Variants in FRMPD4 observed in about 807,000 individuals in gnomAD.
FRMPD4 encodes FERM and PDZ domain containing 4, also known as FERM and PDZ domain-containing protein 4.
In FRMPD4, 22 loss-of-function variants were observed where a neutral mutation model predicts 94.1. That is an observed-to-expected ratio of 0.23 (90% CI 0.17 to 0.33). The LOEUF (loss-of-function observed/expected upper bound fraction) is 0.33. Ranked by LOEUF, FRMPD4 falls within the 10% of genes least tolerant of loss-of-function variation. The pLI is 1.00. For synonymous variants in FRMPD4, 631 were observed against 548.6 expected (o/e 1.15, Z -2.10); for missense variants, 1,111 against 1,339.9 (o/e 0.83, Z 2.67).
At chrX:12,053,397 AGAAAGAAAGAAAG>A (rs1288635541) in intron 3 of FRMPD4, among the ~76,000 whole-genome samples, 10 of 102,202 alleles carry the variant, frequency 9.8e-5, no homozygotes, top group African/African-American at 3.5e-4. Context: ...AAAGAAAGAA[AGAAAGAAAGAAAG>A]AAAGAAAGAA....
chrX:12,380,445 G>C (rs2056303139), intron 1 of FRMPD4, among the ~76,000 whole-genome samples: 1 of 112,161 alleles, frequency 8.9e-6, no homozygotes, highest in African/African-American at 3.2e-5. Context: ...CCTTTAATTA[G>C]AGTATGTACA....
At chrX:12,472,434 T>C (rs977202948) in intron 1 of FRMPD4, among the ~76,000 whole-genome samples, 2 of 112,327 alleles carry the variant, frequency 1.8e-5, no homozygotes, top group Non-Finnish European at 3.8e-5. Context: ...AAATATCTTG[T>C]TGTGGGGTCA....
chrX:12,606,098 A>G (rs974521802), intron 2 of FRMPD4, among the ~76,000 whole-genome samples: 2 of 112,406 alleles, frequency 1.8e-5, no homozygotes, highest in East Asian at 5.6e-4. Flanking sequence ...AATGCTTAGC[A>G]TGAAATTAAT....
chrX:12,567,272 CA>C (rs1429950444), intron 2 of FRMPD4, among the ~76,000 whole-genome samples: 1 of 111,708 alleles, frequency 9.0e-6, no homozygotes, highest in Non-Finnish European at 1.9e-5. Context: ...AGAACCCCTC[CA>C]ATGCTGGTTG....
intron 2 of FRMPD4, among the ~76,000 whole-genome samples, chrX:12,503,257 G>A (rs1190733870): frequency 9.0e-6 from 1 of 111,714 alleles, no homozygotes; most frequent in African/African-American, 3.3e-5. Flanking sequence ...CACATGGCCT[G>A]ATTTTTCAAG....
chrX:12,063,257 T>C (rs1487893848), intron 3 of FRMPD4, among the ~76,000 whole-genome samples: 1 of 111,199 alleles, frequency 9.0e-6, no homozygotes, highest in Non-Finnish European at 1.9e-5. Flanking sequence ...TGGTCCCAGC[T>C]ACTTGGAAGG....
chrX:12,525,035 C>T (rs1342350340), intron 2 of FRMPD4, among the ~76,000 whole-genome samples: 1 of 111,437 alleles, frequency 9.0e-6, no homozygotes, highest in Non-Finnish European at 1.9e-5. Flanking sequence ...AATTCTTCTT[C>T]TTCCAATGTG....
At chrX:12,526,505 C>T (rs1353488825) in intron 2 of FRMPD4, among the ~76,000 whole-genome samples, 4 of 112,434 alleles carry the variant, frequency 3.6e-5, no homozygotes, top group Admixed American at 9.4e-5. Context: ...CTGCTGACTC[C>T]AGAGATTTCC....
At chrX:12,053,412 A>AAGAAAGAAAGAAAGAAAG (rs1177089156) in intron 3 of FRMPD4, among the ~76,000 whole-genome samples, 1 of 101,015 alleles carries the variant, frequency 9.9e-6, no homozygotes, top group African/African-American at 3.6e-5. Flanking sequence ...GAAAGAAAGA[A>AAGAAAGAAAGAAAGAAAG]AGAAAGAAAG....
At chrX:12,071,422 C>A (rs765465135) in intron 3 of FRMPD4, among the ~76,000 whole-genome samples, 2 of 111,895 alleles carry the variant, frequency 1.8e-5, no homozygotes, top group East Asian at 5.6e-4. Flanking sequence ...CTTTGCAGAA[C>A]TTAACTCTTT....
In FRMPD4 at chrX:12,309,028, G is replaced by C. The variant is rs191951026; in HGVS notation, c.41+170016G>C. Among the ~76,000 whole-genome samples, 261 of 112,452 alleles carry C rather than the reference G, an allele frequency of 2.3e-3. 2 individuals carry two copies. Among genetic ancestry groups the C allele is most frequent in the African/African-American group, 8.0e-3 (248 of 30,993 alleles). On this transcript the variant is annotated intron_variant, in intron 1 of 16. Transcript: ENST00000675598. ...TTCTAGAGTAAACTTTTTCTGGAAA[G>C]GACTACGGAGTAAATATGTCAAGCT... is the stretch of plus-strand genomic sequence containing the variant.
rs757788531 is a variant in FRMPD4 at position 11,871,211 on chromosome X, C to T, written c.-30+5995C>T. 1.1e-4 allele frequency among the ~76,000 whole-genome samples: 12 copies of T among 112,665 alleles called. No homozygotes were observed. In the South Asian group the frequency reaches 1.5e-3, roughly 14 times the overall value. On this transcript the variant is annotated intron_variant, in intron 2 of 18. Transcript: ENST00000640291. ...CATCTCTGAAGTTTGTTCTTACCTA[C>T]AGCAGTAACTTGTTGGTTAATGCAC...
At chrX:12,604,532 T>G (rs1383905956) in intron 2 of FRMPD4, among the ~76,000 whole-genome samples, 2 of 112,060 alleles carry the variant, frequency 1.8e-5, no homozygotes, top group Non-Finnish European at 3.8e-5. Context: ...ACTAAGAAAG[T>G]TGGGCTGCAA....
At chrX:12,041,061 A>G (rs2054751979) in intron 3 of FRMPD4, among the ~76,000 whole-genome samples, 1 of 111,772 alleles carries the variant, frequency 8.9e-6, no homozygotes, top group Non-Finnish European at 1.9e-5. Flanking sequence ...CCAGCAAAAT[A>G]TAGCAACTTT....
chrX:12,629,300 A>T (rs962455924), intron 4 of FRMPD4, among the ~76,000 whole-genome samples: 1 of 112,246 alleles, frequency 8.9e-6, no homozygotes, highest in African/African-American at 3.2e-5. Context: ...AAAGAAATAG[A>T]GCTGCTGGAA....
chrX:12,356,904 C>A lies in FRMPD4; in HGVS notation c.42-141776C>A, dbSNP rs1236548254. Among the ~76,000 whole-genome samples the A allele has an allele frequency of 2.7e-5, 3 of 111,949 alleles. No homozygotes were observed. In the Admixed American group the frequency reaches 2.9e-4, roughly 11 times the overall value. On this transcript the variant is annotated intron_variant, in intron 1 of 16. Transcript: ENST00000675598. ...ATAGATAGTAGGTTCTCAGAATATT[C>A]TTCCCCGCTTCTCACTATTATTCCC...
intron 4 of FRMPD4, among the ~76,000 whole-genome samples, chrX:12,653,953 G>A (rs943772035): frequency 9.0e-6 from 1 of 111,571 alleles, no homozygotes; most frequent in Non-Finnish European, 1.9e-5. Context: ...TTTTAGTAGA[G>A]ACAGGTTTTC....
At chrX:12,471,933 C>A (rs997196298) in intron 1 of FRMPD4, among the ~76,000 whole-genome samples, 1 of 111,715 alleles carries the variant, frequency 9.0e-6, no homozygotes, top group Non-Finnish European at 1.9e-5. Flanking sequence ...AATGCAACTC[C>A]CGGGGAGTTA....
chrX:12,476,705 C>T (rs1209131982), intron 1 of FRMPD4, among the ~76,000 whole-genome samples: 1 of 111,870 alleles, frequency 8.9e-6, no homozygotes, highest in Non-Finnish European at 1.9e-5. Flanking sequence ...CCAACAGACA[C>T]GTGAAAAAAT....
Sources: gnomAD v4.1 joint callset for allele counts (sites outside exome capture counted in the v4.1 genomes callset) on GRCh38, gnomAD v4.1.1 for gene constraint, MANE v1.5 for transcripts, NCBI Gene and HGNC (gene_info 2026-07-23, HGNC 2026-07-21) for gene names.